PAK5: variants seen among roughly 807,000 people sequenced by gnomAD.
The protein encoded by PAK5 is serine/threonine-protein kinase PAK 5.
In PAK5, 16 loss-of-function variants were observed where a neutral mutation model predicts 65.9. The observed-to-expected ratio is 0.24, with a 90% confidence interval of 0.16 to 0.37. The LOEUF (loss-of-function observed/expected upper bound fraction) is 0.37. Among genes scored for constraint, PAK5 ranks in the 10% least tolerant of loss-of-function variants. The pLI is 1.00. For synonymous variants in PAK5, 371 were observed against 354.9 expected (o/e 1.05, Z -0.51); for missense variants, 785 against 903.9 (o/e 0.87, Z 1.69).
At chr20:9,745,453 T>C (rs2423460) in intron 1 of PAK5, among the ~76,000 whole-genome samples, 37,447 of 151,950 alleles carry the variant, frequency 0.25, 5,271 homozygotes, top group African/African-American at 0.37. Flanking sequence ...GAAAAAATCC[T>C]TTACAGCTAT....
chr20:9,594,874 G>T (rs2046235217), intron 3 of PAK5, among the ~76,000 whole-genome samples: 1 of 151,984 alleles, frequency 6.6e-6, no homozygotes, highest in Non-Finnish European at 1.5e-5. Flanking sequence ...TACTCCTAAG[G>T]TCCCCTTTTC....
At chr20:9,638,904 C>T (rs139963669) in intron 3 of PAK5, among the ~76,000 whole-genome samples, 15 of 152,272 alleles carry the variant, frequency 9.9e-5, no homozygotes, top group Admixed American at 3.9e-4. Context: ...ACATCAGGGG[C>T]GACACACTTC....
chr20:9,766,655 G>C (rs943934328), intron 1 of PAK5, among the ~76,000 whole-genome samples: 1 of 150,970 alleles, frequency 6.6e-6, no homozygotes, highest in Admixed American at 6.6e-5. Context: ...AAGCCAACAT[G>C]AGACAGTACA....
intron 1 of PAK5, among the ~76,000 whole-genome samples, chr20:9,756,370 T>A (rs2048634263): frequency 6.6e-6 from 1 of 152,040 alleles, no homozygotes; most frequent in African/African-American, 2.4e-5. Flanking sequence ...TCAGTGTAGC[T>A]CAGAGGGTAA....
At chr20:9,649,713 C>T (rs1008959457) in intron 2 of PAK5, among the ~76,000 whole-genome samples, 4 of 152,052 alleles carry the variant, frequency 2.6e-5, no homozygotes, top group Non-Finnish European at 2.9e-5. Flanking sequence ...TGGTACTATT[C>T]GAGTCATGCT....
At chr20:9,606,813 C>T (rs2037697098) in intron 3 of PAK5, among the ~76,000 whole-genome samples, 1 of 152,030 alleles carries the variant, frequency 6.6e-6, no homozygotes, top group African/African-American at 2.4e-5. Context: ...TTAAAGAATA[C>T]ATTAAATGTC....
intron 2 of PAK5, among the ~76,000 whole-genome samples, chr20:9,698,583 T>C (rs1347949923): frequency 6.6e-6 from 1 of 152,186 alleles, no homozygotes; most frequent in African/African-American, 2.4e-5. Flanking sequence ...CTAAGAATGA[T>C]CATACCTCCC....
At chr20:9,836,837 C>T (rs1009718590) in intron 1 of PAK5, among the ~76,000 whole-genome samples, 4 of 152,188 alleles carry the variant, frequency 2.6e-5, no homozygotes, top group Non-Finnish European at 4.4e-5. Context: ...ATCTACTCAT[C>T]TAGATAAGTC....
intron 1 of PAK5, among the ~76,000 whole-genome samples, chr20:9,808,653 T>C (rs1478891901): frequency 2.0e-5 from 3 of 152,196 alleles, no homozygotes; most frequent in Non-Finnish European, 2.9e-5. Context: ...ATTCCATTTA[T>C]ATGAAATGTT....
rs538348005 is a variant in PAK5, at chr20:9,828,493, C to T, written c.-162+10269G>A. On this transcript the variant is annotated intron_variant, in intron 1 of 9. Transcript: ENST00000353224. The stretch of plus-strand genomic sequence containing the variant: ...CATACCCACATAGCAACTGTTCCTA[C>T]TTTAGAGGAAGAATCTTTCTTTTAA... Among the ~76,000 whole-genome samples the T allele has an allele frequency of 2.6e-5, 4 of 152,246 alleles. No individual in the cohort carries two copies. In the South Asian group the frequency reaches 6.2e-4, roughly 24 times the overall value.
intron 1 of PAK5, among the ~76,000 whole-genome samples, chr20:9,791,099 CA>C (rs1230424790): frequency 1.3e-5 from 2 of 152,128 alleles, no homozygotes; most frequent in Non-Finnish European, 2.9e-5. Flanking sequence ...TCATTTCTCT[CA>C]CCTTTCTCTT....
chr20:9,695,243 A>G (rs755682934), intron 2 of PAK5, among the ~76,000 whole-genome samples: 14 of 151,900 alleles, frequency 9.2e-5, no homozygotes, highest in Admixed American at 6.6e-5. Context: ...TTTCTTACTC[A>G]TTTGATGGAG....
intron 2 of PAK5, among the ~76,000 whole-genome samples, chr20:9,681,083 A>G (rs550000993): frequency 8.5e-5 from 13 of 152,212 alleles, no homozygotes; most frequent in Non-Finnish European, 1.8e-4. Context: ...TGGTACACAG[A>G]TATTAAGAAT....
chr20:9,540,361 G>A (rs1013794753), intron 9 of PAK5, among the ~76,000 whole-genome samples: 3 of 152,118 alleles, frequency 2.0e-5, no homozygotes, highest in Admixed American at 1.3e-4. Flanking sequence ...CTACTTTTAG[G>A]TTTCCTTCCT....
chr20:9,701,947 CCATGACTGTAT>C (rs1415555870), intron 2 of PAK5, among the ~76,000 whole-genome samples: 1 of 152,066 alleles, frequency 6.6e-6, no homozygotes, highest in Non-Finnish European at 1.5e-5. Context: ...CTGCTGTAAG[CCATGACTGTAT>C]CACTGCACTC....
chr20:9,708,014 T>G (rs2048030138), intron 2 of PAK5, among the ~76,000 whole-genome samples: 1 of 152,204 alleles, frequency 6.6e-6, no homozygotes, highest in Non-Finnish European at 1.5e-5. Flanking sequence ...CTGATCCTGT[T>G]CAATAGCTAC....
chr20:9,601,244 T>G (rs563450888), intron 3 of PAK5, among the ~76,000 whole-genome samples: 24 of 152,278 alleles, frequency 1.6e-4, no homozygotes, highest in African/African-American at 5.8e-4. Flanking sequence ...TGTGTAAGCA[T>G]AATAATTTGA....
intron 3 of PAK5, among the ~76,000 whole-genome samples, chr20:9,633,427 A>G (rs2046946757): frequency 6.6e-6 from 1 of 152,204 alleles, no homozygotes; most frequent in Non-Finnish European, 1.5e-5. Context: ...AATTGGGTGA[A>G]TTTGCACTAA....
At chr20:9,647,310 A>G (rs886465882) in intron 2 of PAK5, among the ~76,000 whole-genome samples, 1 of 152,244 alleles carries the variant, frequency 6.6e-6, no homozygotes, top group East Asian at 1.9e-4. Context: ...TGAGCATAAA[A>G]TACATTTGAA....
Sources: gnomAD v4.1 joint callset for allele counts (sites outside exome capture counted in the v4.1 genomes callset) on GRCh38, gnomAD v4.1.1 for gene constraint, MANE v1.5 for transcripts, NCBI Gene and HGNC (gene_info 2026-07-23, HGNC 2026-07-21) for gene names.